Variants in PBX3 observed in about 807,000 individuals in gnomAD.
PBX3 encodes pre-B-cell leukemia transcription factor 3.
In PBX3, 14 loss-of-function variants were observed where a neutral mutation model predicts 48.5. The observed-to-expected ratio is 0.29, with a 90% CI of 0.19 to 0.45. PBX3 has a LOEUF of 0.45. PBX3 is among the 20% of genes least tolerant of loss of function. The probability of loss-of-function intolerance (pLI) is 1.00; values close to 1 mark genes in which losing one functional copy is unlikely to be tolerated. For missense variants in PBX3, 386 were observed against 546.7 expected, an observed-to-expected ratio of 0.71 and a Z score of 2.93; for synonymous variants, 210 against 200.3, an observed-to-expected ratio of 1.05 and a Z score of -0.41.
rs34050364 is a variant in PBX3, at chr9:125,867,640, C to CAAAA, written c.275-48032_275-48029dup. Among the ~76,000 whole-genome samples the CAAAA allele has an allele frequency of 0.017, 1,585 of 92,084 alleles. 89 individuals carry two copies. In the East Asian group the frequency reaches 0.18, roughly 11 times the overall value. The allele number at this position is 92,084 out of a possible 152,430, so 60.4% of individuals were successfully genotyped here. A position where few individuals can be genotyped will look rare whatever the true frequency, so the allele number is the denominator to read the frequency against. ...GGGCAACAAGAGCAAGACTCCATCT[C>CAAAA]AAAAAAAAAAAAAAAAACCACAAAA... On this transcript the variant is annotated intron_variant, in intron 2 of 8. Transcript: ENST00000373489.
At chr9:125,761,842 T>C in intron 2 of PBX3, among the ~76,000 whole-genome samples, 1 of 152,182 alleles carries the variant, frequency 6.6e-6, no homozygotes, top group East Asian at 1.9e-4. Flanking sequence ...GAGGGTCAGC[T>C]GCAGAGACTG....
chr9:125,858,330 G>T (rs1049637956), intron 2 of PBX3, among the ~76,000 whole-genome samples: 4 of 152,170 alleles, frequency 2.6e-5, no homozygotes, highest in Non-Finnish European at 5.9e-5. Flanking sequence ...CCTCTCGTTT[G>T]TATATTGTTA....
chr9:125,867,640 C>CAAAAA lies in PBX3; in HGVS notation c.275-48033_275-48029dup, dbSNP rs34050364. The stretch of plus-strand genomic sequence containing the variant: ...GGGCAACAAGAGCAAGACTCCATCT[C>CAAAAA]AAAAAAAAAAAAAAAAACCACAAAA... On this transcript the variant is annotated intron_variant, in intron 2 of 8. Transcript: ENST00000373489. Among the ~76,000 whole-genome samples, 8 of 92,188 alleles carry CAAAAA rather than the reference C, an allele frequency of 8.7e-5. No homozygotes were observed. The East Asian group carries it at 9.8e-4, about 11-fold the overall frequency. 60.5% of individuals were successfully genotyped at this position (92,188 alleles called of 152,430 possible). A position where few individuals can be genotyped will look rare whatever the true frequency, so the allele number is the denominator to read the frequency against.
intron 2 of PBX3, among the ~76,000 whole-genome samples, chr9:125,775,732 G>C (rs980816813): frequency 6.6e-6 from 1 of 152,102 alleles, no homozygotes; most frequent in African/African-American, 2.4e-5. Context: ...GAGGCCCCTT[G>C]CAATTCCATA....
At chr9:125,816,719 C>G (rs934305150) in intron 2 of PBX3, among the ~76,000 whole-genome samples, 20 of 152,096 alleles carry the variant, frequency 1.3e-4, no homozygotes, top group African/African-American at 4.8e-4. Flanking sequence ...TGTCTGTCCT[C>G]AAGTTTTAGT....
intron 5 of PBX3, among the ~76,000 whole-genome samples, chr9:125,945,912 A>T (rs914317025): frequency 5.3e-5 from 8 of 152,218 alleles, no homozygotes; most frequent in African/African-American, 1.9e-4. Context: ...GAACCTGCAG[A>T]TAATAAGAAA....
intron 2 of PBX3, among the ~76,000 whole-genome samples, chr9:125,786,679 C>T (rs982625062): frequency 4.0e-5 from 6 of 150,998 alleles, no homozygotes; most frequent in Non-Finnish European, 5.9e-5. Flanking sequence ...CGGGACATTT[C>T]GATTTTTAAG....
chr9:125,938,316 C>CT (rs1250143031), intron 5 of PBX3, among the ~76,000 whole-genome samples: 1 of 152,040 alleles, frequency 6.6e-6, no homozygotes, highest in Admixed American at 6.5e-5. Flanking sequence ...TATCAAAGTA[C>CT]TTAATAAAGA....
At chr9:125,911,884 T>C (rs762814609) in intron 2 of PBX3, among the ~76,000 whole-genome samples, 1 of 152,184 alleles carries the variant, frequency 6.6e-6, no homozygotes, top group Non-Finnish European at 1.5e-5. Context: ...TTATGGATAT[T>C]ATCTATCTTC....
At chr9:125,780,652 C>G (rs1206323244) in intron 2 of PBX3, among the ~76,000 whole-genome samples, 61 of 137,076 alleles carry the variant, frequency 4.5e-4, no homozygotes, top group African/African-American at 1.6e-3. Context: ...CTGACCCCCC[C>G]ACCTCCCTCC....
intron 2 of PBX3, among the ~76,000 whole-genome samples, chr9:125,899,541 G>A (rs1390317174): frequency 2.0e-5 from 3 of 148,758 alleles, no homozygotes; most frequent in Non-Finnish European, 4.5e-5. Context: ...ATGAAGAGAG[G>A]GGAGTAGAGC....
At chr9:125,908,727 T>C (rs372596927) in intron 2 of PBX3, among the ~76,000 whole-genome samples, 1 of 152,226 alleles carries the variant, frequency 6.6e-6, no homozygotes, top group East Asian at 1.9e-4. Context: ...ATTCTGAAGC[T>C]CATTGCTTTC....
intron 2 of PBX3, among the ~76,000 whole-genome samples, chr9:125,814,518 A>G (rs1359712862): frequency 6.6e-6 from 1 of 152,232 alleles, no homozygotes; most frequent in African/African-American, 2.4e-5. Flanking sequence ...GAGGATGTGA[A>G]TAGTGAAAAT....
chr9:125,927,104 C>T (rs1413476276), intron 3 of PBX3, among the ~76,000 whole-genome samples: 1 of 152,128 alleles, frequency 6.6e-6, no homozygotes, highest in Non-Finnish European at 1.5e-5. Context: ...CTAAACCTAT[C>T]CATTGACTGC....
At chr9:125,915,287 T>A (rs1426111996) in intron 2 of PBX3, among the ~76,000 whole-genome samples, 1 of 152,196 alleles carries the variant, frequency 6.6e-6, no homozygotes, top group African/African-American at 2.4e-5. Flanking sequence ...CACCTTTGGA[T>A]GAGTTGTTTT....
rs1842549553 is a variant in PBX3, at chr9:125,967,099, A to T, written c.*1176A>T. 6.6e-6 allele frequency: 1 copy of T among 152,572 alleles called. No individual in the cohort carries two copies. The highest frequency in any genetic ancestry group is 1.5e-5 in the Non-Finnish European group (1 of 68,014). The allele number at this position is 152,572 out of a possible 1,614,324, so 9.5% of individuals were successfully genotyped here. ...ATTACTAATCCATGCAAAAAAAAAA[A>T]AAAAAGCAGCGACTAATTGTGATGC... On this transcript the variant is annotated 3_prime_UTR_variant, in exon 9 of 9. Transcript: ENST00000373489.
chr9:125,910,842 A>G (rs1440522534), intron 2 of PBX3, among the ~76,000 whole-genome samples: 1 of 151,706 alleles, frequency 6.6e-6, no homozygotes, highest in Non-Finnish European at 1.5e-5. Context: ...AAATAACATG[A>G]CTATTTCTTT....
chr9:125,755,737 G>T (rs1210183314), intron 2 of PBX3, among the ~76,000 whole-genome samples: 1 of 146,408 alleles, frequency 6.8e-6, no homozygotes, highest in Non-Finnish European at 1.5e-5. Flanking sequence ...TGATTGAAAG[G>T]TCTAGAGAAG....
intron 2 of PBX3, among the ~76,000 whole-genome samples, chr9:125,832,331 G>A (rs926698006): frequency 6.6e-6 from 1 of 152,008 alleles, no homozygotes. Context: ...GAGTAGCTGG[G>A]ACTACAGGCG....
Sources: gnomAD v4.1 joint callset for allele counts (sites outside exome capture counted in the v4.1 genomes callset) on GRCh38, gnomAD v4.1.1 for gene constraint, MANE v1.5 for transcripts, NCBI Gene and HGNC (gene_info 2026-07-23, HGNC 2026-07-21) for gene names.